Variants in SMG6 observed in about 807,000 individuals in gnomAD.
SMG6 encodes the protein SMG6 nonsense mediated mRNA decay factor, also known as telomerase-binding protein EST1A.
In SMG6, 66 loss-of-function variants were observed where a neutral mutation model predicts 142.2. That is an observed-to-expected ratio of 0.46 (90% CI 0.38 to 0.57). The LOEUF (loss-of-function observed/expected upper bound fraction) is 0.57, where lower values mean the gene tolerates loss of function less well. Among genes scored for constraint, SMG6 ranks in the 20% least tolerant of loss-of-function variants. SMG6 has a pLI of 0.00. For missense variants in SMG6, 1,793 were observed against 1,832.0 expected, an observed-to-expected ratio of 0.98 and a Z score of 0.39; for synonymous variants, 779 against 702.4, an observed-to-expected ratio of 1.11 and a Z score of -1.72.
rs571919784 is a variant in SMG6, at chr17:2,236,199, G to A, written c.2869+293C>T. The A allele has an allele frequency of 8.2e-4, 190 of 231,980 alleles. 7 individuals carry two copies. The South Asian group carries it at 0.017, about 20-fold the overall frequency. The allele number at this position is 231,980 out of a possible 1,614,324, so 14.4% of individuals were successfully genotyped here. ...GAGGCTCTGGGTCTGCAGCCTTCAA[G>A]AGGCCTTGCTGCTGCCTTTCGCGTG... On this transcript the variant is annotated intron_variant, in intron 10 of 18. Transcript: ENST00000263073.
chr17:2,173,215 T>TC (rs1297497969), intron 12 of SMG6: 1 of 284,280 alleles, frequency 3.5e-6, no homozygotes, highest in African/African-American at 2.2e-5. Flanking sequence ...TTGTGGCTGC[T>TC]CCCAGAATTC....
chr17:2,167,124 T>A (rs1357390149), intron 13 of SMG6, among the ~76,000 whole-genome samples: 6 of 71,424 alleles, frequency 8.4e-5, no homozygotes, highest in African/African-American at 1.2e-4. Flanking sequence ...AGAGTAGGAC[T>A]CCATCTCAAA....
chr17:2,211,329 A>G (rs2072854459), intron 10 of SMG6, among the ~76,000 whole-genome samples: 1 of 152,166 alleles, frequency 6.6e-6, no homozygotes, highest in Non-Finnish European at 1.5e-5. Flanking sequence ...AGGAAAATAA[A>G]TAACTCTTCT....
chr17:2,133,994 C>T (rs887297268), intron 13 of SMG6, among the ~76,000 whole-genome samples: 1 of 151,990 alleles, frequency 6.6e-6, no homozygotes, highest in Non-Finnish European at 1.5e-5. Flanking sequence ...GAACACTAGC[C>T]CTGGACTGCC....
chr17:2,183,855 G>GGACA (rs1260577478), intron 12 of SMG6, among the ~76,000 whole-genome samples: 1 of 151,730 alleles, frequency 6.6e-6, no homozygotes, highest in African/African-American at 2.4e-5. Flanking sequence ...AGACAGGCCA[G>GGACA]GACAGACAGA....
chr17:2,264,739 G>A (rs2074384817), intron 8 of SMG6, among the ~76,000 whole-genome samples: 2 of 151,424 alleles, frequency 1.3e-5, no homozygotes, highest in African/African-American at 2.4e-5. Context: ...CCGTCTCTAC[G>A]GAAAATACAA....
chr17:2,143,520 G>A (rs998678763), intron 13 of SMG6, among the ~76,000 whole-genome samples: 1 of 152,166 alleles, frequency 6.6e-6, no homozygotes, highest in Non-Finnish European at 1.5e-5. Flanking sequence ...GAAAGAAGCA[G>A]AAGAGGCAAA....
At chr17:2,248,073 T>G (rs566700213) in intron 8 of SMG6, among the ~76,000 whole-genome samples, 1 of 152,170 alleles carries the variant, frequency 6.6e-6, no homozygotes, top group South Asian at 2.1e-4. Flanking sequence ...ACCACTGCAC[T>G]CCAGCCTGGG....
intron 8 of SMG6, among the ~76,000 whole-genome samples, chr17:2,258,618 C>G (rs901699078): frequency 1.9e-5 from 1 of 52,400 alleles, no homozygotes; most frequent in Non-Finnish European, 3.5e-5. Flanking sequence ...GCCTGGGCAA[C>G]ATAGAGAGAC....
intron 18 of SMG6, among the ~76,000 whole-genome samples, chr17:2,064,431 C>T (rs1015357354): frequency 6.6e-6 from 1 of 152,126 alleles, no homozygotes; most frequent in Non-Finnish European, 1.5e-5. Flanking sequence ...AGATGAGATT[C>T]TGCTTACCCC....
At chr17:2,256,968 G>T (rs12950991) in intron 8 of SMG6, among the ~76,000 whole-genome samples, 1 of 87,788 alleles carries the variant, frequency 1.1e-5, no homozygotes, top group South Asian at 4.2e-4. Context: ...ATGTATGTAT[G>T]TATGTATTTA....
Position 2,298,842 on chromosome 17 carries a change from A to T in SMG6, c.1847+64T>A, listed in dbSNP as rs1227565740. On this transcript the variant is annotated intron_variant, in intron 2 of 18. Transcript: ENST00000263073. ...TAAAAAGTTTCTACCTTCCTCAGCC[A>T]TAGCAATCTATACACCTCCGGCTGA... 7 of 1,478,814 alleles carry T rather than the reference A, an allele frequency of 4.7e-6. No homozygotes were observed. The Admixed American group carries it at 1.5e-4, about 31-fold the overall frequency. The allele number at this position is 1,478,814 out of a possible 1,614,324, so 91.6% of individuals were successfully genotyped here. A position where few individuals can be genotyped will look rare whatever the true frequency, so the allele number is the denominator to read the frequency against.
Position 2,297,890 on chromosome 17 carries a change from C to T in SMG6, c.2013G>A (p.Arg671=). The T allele has an allele frequency of 3.1e-6, 5 of 1,611,910 alleles. No individual in the cohort carries two copies. Among genetic ancestry groups the T allele is most frequent in the Non-Finnish European group, 4.2e-6 (5 of 1,180,002 alleles). ...DPNVENPEQI[R]NRLLELLDEG... is the part of the protein sequence containing the mutation. ...CATCCAAGAGCTCCAAAAGTCTGTT[C>T]CGAATCTGTTCTGGGTTCTCAACAT... Residue 671 remains arginine, a synonymous_variant, in exon 3 of 19, where the codon CGG becomes CGA. Transcript: ENST00000263073.
chr17:2,089,510 G>C (rs772838451), intron 13 of SMG6, among the ~76,000 whole-genome samples: 2 of 152,086 alleles, frequency 1.3e-5, no homozygotes, highest in Admixed American at 6.6e-5. Flanking sequence ...CAATCAGCTT[G>C]GGAAAGAAAA....
chr17:2,137,744 C>G (rs765400232), intron 13 of SMG6, among the ~76,000 whole-genome samples: 6 of 152,154 alleles, frequency 3.9e-5, no homozygotes, highest in African/African-American at 1.4e-4. Context: ...TCTATAGATT[C>G]TCTGATTCAG....
At chr17:2,110,113 C>T (rs565461283) in intron 13 of SMG6, among the ~76,000 whole-genome samples, 74 of 142,666 alleles carry the variant, frequency 5.2e-4, no homozygotes, top group African/African-American at 1.9e-3. Flanking sequence ...AAAGACAACA[C>T]AGAACTAAAA....
intron 13 of SMG6, among the ~76,000 whole-genome samples, chr17:2,095,436 T>C (rs949753199): frequency 6.6e-6 from 1 of 152,178 alleles, no homozygotes; most frequent in East Asian, 1.9e-4. Context: ...CTCGGAGACA[T>C]CTGTAGTCTT....
At chr17:2,198,607 A>G (rs901774830) in intron 10 of SMG6, among the ~76,000 whole-genome samples, 2 of 152,238 alleles carry the variant, frequency 1.3e-5, no homozygotes, top group African/African-American at 4.8e-5. Flanking sequence ...TGAAGGGTGC[A>G]TAAGACCTCT....
chr17:2,258,968 G>C (rs750523614), intron 8 of SMG6, among the ~76,000 whole-genome samples: 17 of 151,720 alleles, frequency 1.1e-4, no homozygotes, highest in Non-Finnish European at 2.2e-4. Flanking sequence ...ATCCCAGCTA[G>C]TTGGGAGGCT....
Sources: allele counts gnomAD v4.1 joint callset (sites outside exome capture counted in the v4.1 genomes callset), GRCh38; gene constraint gnomAD v4.1.1; transcripts MANE v1.5; gene names NCBI Gene and HGNC (gene_info 2026-07-23, HGNC 2026-07-21).